The following AOPEP variants were observed in gnomAD, a reference collection of about 807,000 sequenced individuals.
AOPEP encodes the protein aminopeptidase O (putative).
Under a neutral mutation model 98.1 loss-of-function variants are expected in AOPEP, and 77 were observed. That is an observed-to-expected ratio of 0.78 (90% CI 0.65 to 0.95). The LOEUF is 0.95. AOPEP is among the 40% of genes least tolerant of loss of function. The pLI is 0.00. For synonymous variants in AOPEP, 346 were observed against 365.3 expected (o/e 0.95, Z 0.60); for missense variants, 1,024 against 1,024.7 (o/e 1.00, Z 0.01).
chr9:95,102,724 C>T, the AOPEP span, among the ~76,000 whole-genome samples: 1 of 152,214 alleles, frequency 6.6e-6, no homozygotes, highest in South Asian at 2.1e-4. Flanking sequence ...TCCGACAGCC[C>T]AGGACACCCT....
At chr9:94,753,122 C>A (rs984881084) in intron 1 of AOPEP, among the ~76,000 whole-genome samples, 1 of 152,134 alleles carries the variant, frequency 6.6e-6, no homozygotes, top group South Asian at 2.1e-4. Flanking sequence ...AGTGGCCCAG[C>A]TGACTGTTAC....
chr9:95,002,880 A>C (rs566042069), intron 11 of AOPEP, among the ~76,000 whole-genome samples: 47 of 152,174 alleles, frequency 3.1e-4, no homozygotes, highest in African/African-American at 1.1e-3. Flanking sequence ...AATTGGGAGG[A>C]GAGTTGGGGG....
At chr9:94,828,047 G>A (rs975134104) in intron 5 of AOPEP, among the ~76,000 whole-genome samples, 1 of 152,244 alleles carries the variant, frequency 6.6e-6, no homozygotes, top group Admixed American at 6.5e-5. Context: ...ACCAGAGGCA[G>A]AAGGCGAGGG....
chr9:94,843,322 C>T (rs185787565), intron 5 of AOPEP, among the ~76,000 whole-genome samples: 1 of 152,310 alleles, frequency 6.6e-6, no homozygotes, highest in East Asian at 1.9e-4. Context: ...AAATCCACTT[C>T]AGGAATGTCA....
At chr9:95,045,631 G>T (rs1156928134) in intron 13 of AOPEP, among the ~76,000 whole-genome samples, 1 of 152,214 alleles carries the variant, frequency 6.6e-6, no homozygotes, top group African/African-American at 2.4e-5. Flanking sequence ...AGTTACTCGT[G>T]TCAAGGATTG....
At chr9:94,777,395 G>T (rs1287699183) in intron 3 of AOPEP, among the ~76,000 whole-genome samples, 1 of 149,996 alleles carries the variant, frequency 6.7e-6, no homozygotes, top group East Asian at 2.0e-4. Context: ...TCGTGCCACT[G>T]CACTCCAGTC....
At chr9:94,905,033 G>A (rs999769602) in intron 5 of AOPEP, among the ~76,000 whole-genome samples, 1 of 152,138 alleles carries the variant, frequency 6.6e-6, no homozygotes, top group African/African-American at 2.4e-5. Context: ...GGGTTTTAGG[G>A]GGTTTGACAG....
At chr9:95,102,908 G>C in the AOPEP span, among the ~76,000 whole-genome samples, 2 of 152,238 alleles carry the variant, frequency 1.3e-5, no homozygotes, top group Non-Finnish European at 2.9e-5. Flanking sequence ...CAGCCGGCCT[G>C]CAACGAGCCC....
At chr9:94,998,019 A>C (rs573799380) in intron 11 of AOPEP, among the ~76,000 whole-genome samples, 1 of 152,046 alleles carries the variant, frequency 6.6e-6, no homozygotes, top group Non-Finnish European at 1.5e-5. Flanking sequence ...TAAGGTTATA[A>C]TGTCCATGAA....
intron 1 of AOPEP, among the ~76,000 whole-genome samples, chr9:94,741,646 G>A (rs1046848847): frequency 6.6e-6 from 1 of 151,872 alleles, no homozygotes; most frequent in African/African-American, 2.4e-5. Flanking sequence ...TAGTGGTATG[G>A]TTCTATAGAG....
intron 13 of AOPEP, among the ~76,000 whole-genome samples, chr9:95,007,873 T>C (rs1201761812): frequency 3.3e-5 from 5 of 152,238 alleles, no homozygotes; most frequent in Non-Finnish European, 5.9e-5. Context: ...CCAAGGTCTA[T>C]GTGTTAACCT....
intron 13 of AOPEP, among the ~76,000 whole-genome samples, chr9:95,047,454 A>T (rs545917491): frequency 1.3e-3 from 195 of 152,320 alleles, no homozygotes; most frequent in African/African-American, 4.5e-3. Context: ...TTTTAATTAT[A>T]ATTTTTCTCA....
the AOPEP span, among the ~76,000 whole-genome samples, chr9:95,098,513 G>A: frequency 4.9e-4 from 74 of 152,286 alleles, no homozygotes; most frequent in South Asian, 5.0e-3. Context: ...TCCTGACCCC[G>A]AGAGGGGCCC....
intron 5 of AOPEP, among the ~76,000 whole-genome samples, chr9:94,845,584 C>T (rs1021585910): frequency 4.6e-5 from 7 of 151,946 alleles, no homozygotes; most frequent in African/African-American, 1.5e-4. Flanking sequence ...AATCTACATG[C>T]GAGATAATGG....
chr9:95,119,689 C>T, the AOPEP span, among the ~76,000 whole-genome samples: 11 of 151,714 alleles, frequency 7.3e-5, no homozygotes, highest in African/African-American at 2.7e-4. Context: ...TTAATGATAT[C>T]TATCAAAGAA....
chr9:94,877,374 G>T (rs1284331708), intron 5 of AOPEP, among the ~76,000 whole-genome samples: 1 of 151,658 alleles, frequency 6.6e-6, no homozygotes, highest in African/African-American at 2.4e-5. Context: ...TGCGGTAAGG[G>T]TGTATAGCCA....
the AOPEP span, among the ~76,000 whole-genome samples, chr9:95,120,547 G>A: frequency 2.0e-5 from 3 of 151,670 alleles, no homozygotes; most frequent in Admixed American, 6.6e-5. Context: ...CCGAGTAGCC[G>A]GGACTACAGG....
At chr9:95,011,964 A>G (rs2062559968) in intron 13 of AOPEP, among the ~76,000 whole-genome samples, 1 of 152,244 alleles carries the variant, frequency 6.6e-6, no homozygotes, top group Non-Finnish European at 1.5e-5. Context: ...TTTAAAAAGA[A>G]TCTTTGAATG....
At chr9:95,129,953 T>TTTA in the AOPEP span, among the ~76,000 whole-genome samples, 1 of 152,110 alleles carries the variant, frequency 6.6e-6, no homozygotes, top group South Asian at 2.1e-4. Context: ...AATTGCATTG[T>TTTA]TTATCTCCCC....
Sources: gnomAD v4.1 joint callset for allele counts (sites outside exome capture counted in the v4.1 genomes callset) on GRCh38, gnomAD v4.1.1 for gene constraint, MANE v1.5 for transcripts, NCBI Gene and HGNC (gene_info 2026-07-23, HGNC 2026-07-21) for gene names.